GOSR2: variants seen among roughly 807,000 people sequenced by gnomAD.
GOSR2 encodes the protein golgi SNAP receptor complex member 2, also known as 27 kDa Golgi SNARE protein.
Under a neutral mutation model 27.9 loss-of-function variants are expected in GOSR2, and 20 were observed. That is an observed-to-expected ratio of 0.72 (90% CI 0.50 to 1.04). The LOEUF (loss-of-function observed/expected upper bound fraction) is 1.04, where lower values mean the gene tolerates loss of function less well. GOSR2 is among the 50% of genes least tolerant of loss of function. The pLI, the probability that GOSR2 is intolerant of heterozygous loss-of-function variation, is 0.00. For synonymous variants in GOSR2, 91 were observed against 98.8 expected (o/e 0.92, Z 0.47); for missense variants, 261 against 270.5 (o/e 0.97, Z 0.25).
downstream of GOSR2, among the ~76,000 whole-genome samples, chr17:46,967,573 A>G (rs2091348505): frequency 6.6e-6 from 1 of 152,212 alleles, no homozygotes; most frequent in Non-Finnish European, 1.5e-5. Context: ...GAACAGAGGC[A>G]TGGAGTGTGA....
At chr17:46,968,806 C>T (rs2091361993), downstream of GOSR2, 2 of 152,336 alleles carry the variant, frequency 1.3e-5, no homozygotes, top group African/African-American at 4.8e-5. Flanking sequence ...TCAGCACCAC[C>T]TGCAGTCATT....
downstream of GOSR2, among the ~76,000 whole-genome samples, chr17:46,943,022 TC>T (rs2147118441): frequency 6.6e-6 from 1 of 152,302 alleles, no homozygotes; most frequent in South Asian, 2.1e-4. Context: ...GTGTGGGTCT[TC>T]CATTCACCCT....
chr17:46,955,419 A>G (rs1485884841), intron 6 of GOSR2: 2 of 152,044 alleles, frequency 1.3e-5, no homozygotes, highest in South Asian at 2.1e-4. Flanking sequence ...TCGGTTTGCC[A>G]GTATTTTATT....
intron 6 of GOSR2, chr17:46,966,387 G>A (rs2091321593): frequency 1.8e-6 from 1 of 550,996 alleles, no homozygotes; most frequent in Non-Finnish European, 3.2e-6. Context: ...CCTCTTCAAG[G>A]CCCTCAGATA....
intron 6 of GOSR2, among the ~76,000 whole-genome samples, chr17:46,957,075 C>T (rs9912794): frequency 0.4 from 61,173 of 152,004 alleles, 12,537 homozygotes; most frequent in South Asian, 0.48. Flanking sequence ...TTGGGAGGCC[C>T]AGGCGGGTGG....
chr17:46,957,463 A>G lies in GOSR2; in HGVS notation c.584-9071A>G, dbSNP rs577941901. Among the ~76,000 whole-genome samples, 54 of 152,084 alleles carry G rather than the reference A, an allele frequency of 3.6e-4. 1 individual carries two copies. The highest frequency in any genetic ancestry group is 3.0e-3 in the Admixed American group (46 of 15,270). On this transcript the variant is annotated intron_variant, in intron 6 of 6. Coordinates refer to the GOSR2 transcript ENST00000573224. The stretch of plus-strand genomic sequence containing the variant: ...CCCCATCTCTACTAAAAATACAAAA[A>G]CTAGCCAGGTGTGGTGGTGGGTGCC...
At chr17:46,950,075 G>A (rs148644711) in intron 6 of GOSR2, among the ~76,000 whole-genome samples, 8 of 152,370 alleles carry the variant, frequency 5.3e-5, no homozygotes, top group East Asian at 3.9e-4. Flanking sequence ...CTCCTGGAGG[G>A]AGCATGGGAT....
chr17:46,958,984 C>G (rs1402076061), intron 6 of GOSR2, among the ~76,000 whole-genome samples: 1 of 152,130 alleles, frequency 6.6e-6, no homozygotes, highest in African/African-American at 2.4e-5. Context: ...ACTGCCAATG[C>G]AAAAATAAGA....
At chr17:46,934,884 C>T in intron 4 of GOSR2, 145 bp from the exon 5 acceptor site, 3 of 733,354 alleles carry the variant, frequency 4.1e-6, no homozygotes, top group Non-Finnish European at 4.8e-6. Context: ...CTTTGCTTTG[C>T]TTTTTCTTAT....
At chr17:46,969,997 TCTC>T (rs2091374951), downstream of GOSR2, among the ~76,000 whole-genome samples, 3 of 152,158 alleles carry the variant, frequency 2.0e-5, no homozygotes, top group South Asian at 6.2e-4. Context: ...GGGGGTCAAA[TCTC>T]CTGGCTCTAG....
rs974853448 is a variant in GOSR2 at position 46,929,791 on chromosome 17, ACCC to A, written c.94+209_94+211del. The A allele has an allele frequency of 9.0e-6, 5 of 553,474 alleles. No individual in the cohort carries two copies. In the Admixed American group the frequency reaches 1.2e-4, roughly 13 times the overall value. 34.3% of individuals were successfully genotyped at this position (553,474 alleles called of 1,614,324 possible). A position where few individuals can be genotyped will look rare whatever the true frequency, so the allele number is the denominator to read the frequency against. ...AATCCCACAAGTCTTATCCCCCATT[ACCC>A]CTCCACTCAACCTGACATGGCCCTA... is the stretch of plus-strand genomic sequence containing the variant. On this transcript the variant is annotated intron_variant, in intron 2 of 5. Coordinates refer to ENST00000640051, the MANE Select transcript of GOSR2 (RefSeq NM_004287.5).
rs1218380990 is a variant in GOSR2 at position 46,940,900 on chromosome 17, A to G, written c.*2140A>G. ...GTCACATGACCACTTCTCTTCACAC[A>G]TCTGCTTTCAGTGCCTGGTGAAAAA... is the stretch of plus-strand genomic sequence containing the variant. On this transcript the variant is annotated 3_prime_UTR_variant, in exon 6 of 6. Transcript: ENST00000640051. The G allele has an allele frequency of 3.7e-6, 5 of 1,365,550 alleles. No individual in the cohort carries two copies. Among genetic ancestry groups the G allele is most frequent in the South Asian group, 3.0e-5 (2 of 65,898 alleles). 84.6% of individuals were successfully genotyped at this position (1,365,550 alleles called of 1,614,324 possible).
intron 6 of GOSR2, among the ~76,000 whole-genome samples, chr17:46,973,405 C>G (rs377015167): frequency 2.0e-5 from 3 of 152,018 alleles, no homozygotes; most frequent in African/African-American, 7.2e-5. Context: ...TCAAGTGATT[C>G]GCCCACCTTA....
At chr17:46,947,524 C>T (rs571938243) in intron 6 of GOSR2, among the ~76,000 whole-genome samples, 4 of 152,318 alleles carry the variant, frequency 2.6e-5, no homozygotes, top group South Asian at 4.1e-4. Context: ...ACAAGCCCCA[C>T]TGTCCTAGGA....
downstream of GOSR2, among the ~76,000 whole-genome samples, chr17:46,945,663 C>G (rs527862169): frequency 1.3e-5 from 2 of 152,170 alleles, no homozygotes; most frequent in Non-Finnish European, 2.9e-5. Context: ...GATCCACATT[C>G]TTTCAACCAA....
chr17:46,951,882 G>C (rs1477842625), intron 6 of GOSR2, among the ~76,000 whole-genome samples: 1 of 151,900 alleles, frequency 6.6e-6, no homozygotes, highest in African/African-American at 2.4e-5. Context: ...TGTTTGCCTC[G>C]CTGCTTCTCC....
chr17:46,952,606 C>T (rs2090442665), intron 6 of GOSR2: 2 of 152,234 alleles, frequency 1.3e-5, no homozygotes, highest in East Asian at 1.9e-4. Context: ...CTCCTTTAGT[C>T]CACTCTTAAC....
chr17:46,928,924 G>T (rs1245178100), intron 1 of GOSR2, among the ~76,000 whole-genome samples: 1 of 151,712 alleles, frequency 6.6e-6, no homozygotes, highest in African/African-American at 2.4e-5. Flanking sequence ...CCACCCCTCT[G>T]TCTGCTTGCC....
chr17:46,972,092 A>T lies in GOSR2; in HGVS notation c.616-3107A>T, dbSNP rs983682888. Among the ~76,000 whole-genome samples the T allele has an allele frequency of 3.9e-4, 5 of 12,684 alleles. No individual in the cohort carries two copies. The Non-Finnish European group carries it at 0.015, about 38-fold the overall frequency. 8.3% of individuals were successfully genotyped at this position (12,684 alleles called of 152,430 possible). A position where few individuals can be genotyped will look rare whatever the true frequency, so the allele number is the denominator to read the frequency against. On this transcript the variant is annotated intron_variant, in intron 6 of 6. Coordinates refer to the GOSR2 transcript ENST00000640723. ...CTCAGTGTTGCTGCTTCCCCGCTTT[A>T]TGTTCTATAGAGACACCCGGAGGGG...
Sources: allele counts gnomAD v4.1 joint callset (sites outside exome capture counted in the v4.1 genomes callset), GRCh38; gene constraint gnomAD v4.1.1; transcripts MANE v1.5; gene names NCBI Gene and HGNC (gene_info 2026-07-23, HGNC 2026-07-21).